Variants in CTNND2 observed in about 807,000 individuals in gnomAD.
CTNND2 encodes catenin delta-2.
A neutral mutation model predicts 144.4 loss-of-function variants in CTNND2; 22 were observed. That is an observed-to-expected ratio of 0.15 (90% CI 0.11 to 0.22). The LOEUF is 0.22. CTNND2 is among the 10% of genes least tolerant of loss of function. The pLI, the probability that CTNND2 is intolerant of heterozygous loss-of-function variation, is 1.00. For synonymous variants in CTNND2, 751 were observed against 695.6 expected (o/e 1.08, Z -1.25); for missense variants, 1,353 against 1,618.8 (o/e 0.84, Z 2.82).
chr5:11,007,887 T>C (rs928534738), intron 18 of CTNND2, among the ~76,000 whole-genome samples: 1 of 152,234 alleles, frequency 6.6e-6, no homozygotes, highest in Admixed American at 6.5e-5. Context: ...AACTCGGCTT[T>C]TCAGTTAAGC....
At chr5:11,592,187 C>CCTGA (rs1779286741) in intron 2 of CTNND2, among the ~76,000 whole-genome samples, 1 of 150,946 alleles carries the variant, frequency 6.6e-6, no homozygotes, top group Non-Finnish European at 1.5e-5. Flanking sequence ...TGCCTGCCTT[C>CCTGA]CTGCCTGCCT....
intron 3 of CTNND2, among the ~76,000 whole-genome samples, chr5:11,431,836 T>C (rs1763315407): frequency 1.3e-5 from 2 of 152,076 alleles, no homozygotes; most frequent in Non-Finnish European, 2.9e-5. Flanking sequence ...TTAAAGCGGC[T>C]AAGGTTTGGG....
intron 7 of CTNND2, among the ~76,000 whole-genome samples, chr5:11,372,744 C>T (rs1757578440): frequency 6.6e-6 from 1 of 152,220 alleles, no homozygotes. Flanking sequence ...AATGCAGGTT[C>T]TGGCTCAGTG....
chr5:11,354,649 A>G lies in CTNND2; in HGVS notation c.1373-8022T>C, dbSNP rs558805790. On this transcript the variant is annotated intron_variant, in intron 8 of 21. Transcript: ENST00000304623. Reference sequence around the variant, plus strand: ...AGACCTAAAGGAAGAGATAGACTATAGAACAGTAGGGAACTTCAACCCCCC... The same window carrying G: ...AGACCTAAAGGAAGAGATAGACTATGGAACAGTAGGGAACTTCAACCCCCC... Among the ~76,000 whole-genome samples the G allele has an allele frequency of 2.3e-3, 357 of 152,346 alleles. 3 individuals carry two copies. Among genetic ancestry groups the G allele is most frequent in the Non-Finnish European group, 3.8e-3 (258 of 68,028 alleles).
At chr5:11,554,905 TCAATTA>T (rs1776078516) in intron 3 of CTNND2, among the ~76,000 whole-genome samples, 13 of 130,574 alleles carry the variant, frequency 1.0e-4, no homozygotes, top group Admixed American at 8.7e-4. Context: ...ACTGTATAAA[TCAATTA>T]TATATATAAA....
intron 2 of CTNND2, among the ~76,000 whole-genome samples, chr5:11,701,437 T>C (rs2126671624): frequency 6.6e-6 from 1 of 152,320 alleles, no homozygotes; most frequent in African/African-American, 2.4e-5. Context: ...TCAATAGACA[T>C]CTTTGACCAA....
intron 2 of CTNND2, among the ~76,000 whole-genome samples, chr5:11,702,648 C>T (rs1453309796): frequency 1.3e-5 from 2 of 152,174 alleles, no homozygotes; most frequent in Non-Finnish European, 2.9e-5. Flanking sequence ...ATTGCTACAC[C>T]GGATCCTAGG....
In CTNND2 at chr5:11,830,523, T is replaced by C. The variant is rs368401155; in HGVS notation, c.37+73294A>G. Among the ~76,000 whole-genome samples, 21 of 152,240 alleles carry C rather than the reference T, an allele frequency of 1.4e-4. 1 individual carries two copies. Among genetic ancestry groups the C allele is most frequent in the East Asian group, 9.6e-4 (5 of 5,208 alleles). ...TTTGCCTGCTGCCATCCATGTAAGA[T>C]GGGACTTGTTCCTCCTTTCCTTCTG... On this transcript the variant is annotated intron_variant, in intron 1 of 21. Transcript: ENST00000304623.
At chr5:11,060,926 A>T (rs1471244291) in intron 16 of CTNND2, among the ~76,000 whole-genome samples, 1 of 152,172 alleles carries the variant, frequency 6.6e-6, no homozygotes, top group African/African-American at 2.4e-5. Flanking sequence ...TTCTGTACTT[A>T]GAGATTAACA....
intron 1 of CTNND2, among the ~76,000 whole-genome samples, chr5:11,817,413 GAGAGAGAGAGAGAGAGAGAGA>G (rs1793032129): frequency 2.0e-3 from 1 of 510 alleles, no homozygotes; most frequent in Non-Finnish European, 5.7e-3. Context: ...AGAGGAGGGA[GAGAGAGAGAGAGAGAGAGAGA>G]GAGAGAGAGA....
chr5:11,348,895 T>C, intron 8 of CTNND2, among the ~76,000 whole-genome samples: 1 of 152,198 alleles, frequency 6.6e-6, no homozygotes, highest in Non-Finnish European at 1.5e-5. Flanking sequence ...CATCTTGGTA[T>C]GTATGCAGGA....
At chr5:11,147,672 A>C (rs79989660) in intron 12 of CTNND2, among the ~76,000 whole-genome samples, 3 of 150,968 alleles carry the variant, frequency 2.0e-5, no homozygotes, top group East Asian at 3.9e-4. Flanking sequence ...AAAAAAAAAA[A>C]AAAACTTTTT....
chr5:11,320,006 C>T (rs1392529261), intron 9 of CTNND2, among the ~76,000 whole-genome samples: 3 of 152,154 alleles, frequency 2.0e-5, no homozygotes, highest in African/African-American at 7.2e-5. Context: ...TACACAGGCA[C>T]TGAGCTGAAC....
intron 2 of CTNND2, among the ~76,000 whole-genome samples, chr5:11,610,552 G>A (rs973571551): frequency 2.6e-5 from 4 of 152,040 alleles, no homozygotes; most frequent in Admixed American, 6.6e-5. Flanking sequence ...TCAGCCCAGG[G>A]AACCCACCGT....
At chr5:10,987,548 G>A (rs1579957757) in intron 20 of CTNND2, among the ~76,000 whole-genome samples, 1 of 152,136 alleles carries the variant, frequency 6.6e-6, no homozygotes, top group African/African-American at 2.4e-5. Context: ...GATATGTCAC[G>A]TAAGAGGTTG....
chr5:11,107,254 T>C (rs1280479202), intron 14 of CTNND2, among the ~76,000 whole-genome samples: 3 of 152,264 alleles, frequency 2.0e-5, no homozygotes, highest in African/African-American at 4.8e-5. Context: ...GTTAACTATG[T>C]AAATGTATAC....
chr5:11,462,949 C>T (rs969230461), intron 3 of CTNND2, among the ~76,000 whole-genome samples: 2 of 152,108 alleles, frequency 1.3e-5, no homozygotes, highest in African/African-American at 4.8e-5. Context: ...CTGCAGACTC[C>T]TCAGTCTTCA....
chr5:11,834,527 T>C (rs1042045766), intron 1 of CTNND2, among the ~76,000 whole-genome samples: 2 of 152,196 alleles, frequency 1.3e-5, no homozygotes, highest in Non-Finnish European at 2.9e-5. Flanking sequence ...CAAAACATCA[T>C]GGTGCACCCC....
intron 1 of CTNND2, among the ~76,000 whole-genome samples, chr5:11,872,381 T>C (rs1487414635): frequency 6.6e-6 from 1 of 152,198 alleles, no homozygotes; most frequent in South Asian, 2.1e-4. Flanking sequence ...TGATTTACAA[T>C]CCTTTGAATA....
Sources: gnomAD v4.1 joint callset for allele counts (sites outside exome capture counted in the v4.1 genomes callset) on GRCh38, gnomAD v4.1.1 for gene constraint, MANE v1.5 for transcripts, NCBI Gene and HGNC (gene_info 2026-07-23, HGNC 2026-07-21) for gene names.